SMAD4: variants seen among roughly 807,000 people sequenced by gnomAD.
The protein encoded by SMAD4 is SMAD family member 4.
Under a neutral mutation model 63.2 loss-of-function variants are expected in SMAD4, and 7 were observed. That is an observed-to-expected ratio of 0.11 (90% CI 0.06 to 0.21). The LOEUF (loss-of-function observed/expected upper bound fraction) is 0.21. Among genes scored for constraint, SMAD4 ranks in the 10% least tolerant of loss-of-function variants. SMAD4 has a pLI of 1.00. For synonymous variants in SMAD4, 215 were observed against 235.4 expected, an observed-to-expected ratio of 0.91 and a Z score of 0.79; for missense variants, 312 against 693.8, an observed-to-expected ratio of 0.45 and a Z score of 6.18.
At chr18:51,056,620 C>CAAAA (rs74178610) in intron 5 of SMAD4, among the ~76,000 whole-genome samples, 8 of 59,312 alleles carry the variant, frequency 1.3e-4, no homozygotes, top group Admixed American at 6.9e-4. Flanking sequence ...ACTCCATCTC[C>CAAAA]AAAAAAAAAA....
Position 51,083,052 on chromosome 18 carries a change from G to C in SMAD4, c.*4585G>C, listed in dbSNP as rs192635281. 8 of 224,116 alleles carry C rather than the reference G, an allele frequency of 3.6e-5. No individual in the cohort carries two copies. The highest frequency in any genetic ancestry group is 1.8e-4 in the African/African-American group (8 of 44,078). The allele number at this position is 224,116 out of a possible 1,614,324, so 13.9% of individuals were successfully genotyped here. A position where few individuals can be genotyped will look rare whatever the true frequency, so the allele number is the denominator to read the frequency against. On this transcript the variant is annotated 3_prime_UTR_variant, in exon 12 of 12. Transcript: ENST00000342988. ...TGCTGAGTTTCAGGTAGTTGAGATAGAGAGAAGTGAGTCATATTCATATTT... is the reference window on the plus strand; with the variant it reads ...TGCTGAGTTTCAGGTAGTTGAGATACAGAGAAGTGAGTCATATTCATATTT...
intron 8 of SMAD4, among the ~76,000 whole-genome samples, chr18:51,060,536 C>T (rs1367797051): frequency 6.6e-6 from 1 of 152,140 alleles, no homozygotes; most frequent in Non-Finnish European, 1.5e-5. Flanking sequence ...TAAAAAGATG[C>T]AAATATATTA....
intron 4 of SMAD4, 106 bp from the exon 5 acceptor site, chr18:51,054,675 A>C: frequency 1.4e-6 from 1 of 738,816 alleles, no homozygotes; most frequent in South Asian, 1.6e-5. Context: ...TTAGTAATTT[A>C]CACTGTAATT....
chr18:51,049,476 G>A (rs1401815048), intron 4 of SMAD4, 152 bp downstream of exon 4: 1 of 658,156 alleles, frequency 1.5e-6, no homozygotes. Flanking sequence ...GAGGTTAGGG[G>A]CATTTAAAAC....
At position 51,078,250 on chromosome 18, in the gene SMAD4, T is replaced by C. The variant is rs1085307437; in HGVS notation, c.1448-6T>C. The C allele has an allele frequency of 1.2e-6, 2 of 1,610,402 alleles. No individual in the cohort carries two copies. The highest frequency in any genetic ancestry group is 1.7e-6 in the Non-Finnish European group (2 of 1,177,396). ...CCTCTGATGTCTTCCAAATCTTTTC[T>C]GTTAGGTCTGTCAGCTGCTGCTGGA... On this transcript the variant is annotated splice_region_variant and splice_polypyrimidine_tract_variant and intron_variant, in intron 11 of 11. Coordinates refer to ENST00000342988, the MANE Select transcript of SMAD4 (RefSeq NM_005359.6).
chr18:51,037,636 G>A (rs116421341), intron 1 of SMAD4, among the ~76,000 whole-genome samples: 8 of 152,338 alleles, frequency 5.3e-5, no homozygotes, highest in African/African-American at 1.7e-4. Context: ...TGGGAAGTAT[G>A]CATAAAGCAT....
Position 51,079,145 on chromosome 18 carries a change from A to G in SMAD4, c.*678A>G, listed in dbSNP as rs1003524800. The stretch of plus-strand genomic sequence containing the variant: ...ATATTGAGAATCCCTTAAAATTACC[A>G]GACAAAAAAATTTAAAATTACGTTT... On this transcript the variant is annotated 3_prime_UTR_variant, in exon 12 of 12. Transcript: ENST00000342988. The G allele has an allele frequency of 4.3e-6, 1 of 232,970 alleles. No individual in the cohort carries two copies. Among genetic ancestry groups the G allele is most frequent in the Non-Finnish European group, 8.5e-6 (1 of 117,886 alleles). The allele number at this position is 232,970 out of a possible 1,614,324, so 14.4% of individuals were successfully genotyped here. A position where few individuals can be genotyped will look rare whatever the true frequency, so the allele number is the denominator to read the frequency against.
intron 8 of SMAD4, among the ~76,000 whole-genome samples, chr18:51,064,066 C>T (rs77684585): frequency 4.0e-5 from 6 of 149,348 alleles, no homozygotes; most frequent in African/African-American, 1.2e-4. Flanking sequence ...TTTTTTTTTC[C>T]GTAAGATCTG....
intron 1 of SMAD4, among the ~76,000 whole-genome samples, chr18:51,043,256 G>A (rs1909442428): frequency 6.6e-6 from 1 of 152,106 alleles, no homozygotes; most frequent in Admixed American, 6.5e-5. Context: ...TCCTGTTTTT[G>A]TATCTGTAGT....
intron 10 of SMAD4, among the ~76,000 whole-genome samples, chr18:51,074,562 T>G (rs978941501): frequency 6.6e-6 from 1 of 152,166 alleles, no homozygotes; most frequent in Non-Finnish European, 1.5e-5. Flanking sequence ...ATTGTGCCAC[T>G]GTAGTGGGGA....
intron 1 of SMAD4, among the ~76,000 whole-genome samples, chr18:51,031,404 A>G (rs906045243): frequency 6.6e-6 from 1 of 152,212 alleles, no homozygotes; most frequent in Non-Finnish European, 1.5e-5. Flanking sequence ...AGCCCTGTTG[A>G]AGATTGATAG....
At chr18:51,071,281 T>TACACACAC (rs150437859) in intron 10 of SMAD4, among the ~76,000 whole-genome samples, 3 of 149,670 alleles carry the variant, frequency 2.0e-5, no homozygotes, top group Non-Finnish European at 4.5e-5. Flanking sequence ...CACACACACA[T>TACACACAC]ACACACACAC....
intron 8 of SMAD4, among the ~76,000 whole-genome samples, chr18:51,064,836 A>G (rs1156849350): frequency 6.6e-6 from 1 of 152,218 alleles, no homozygotes; most frequent in Non-Finnish European, 1.5e-5. Flanking sequence ...GTGTACAACA[A>G]CTGTGTGATT....
intron 5 of SMAD4, 129 bp from the exon 6 acceptor site, chr18:51,057,996 G>A: frequency 9.4e-7 from 1 of 1,060,778 alleles, no homozygotes; most frequent in Non-Finnish European, 1.4e-6. Context: ...ATAGGCCATG[G>A]GTGAGTTACA....
chr18:51,062,799 C>G (rs1430142565), intron 8 of SMAD4, among the ~76,000 whole-genome samples: 1 of 148,292 alleles, frequency 6.7e-6, no homozygotes, highest in Non-Finnish European at 1.5e-5. Flanking sequence ...ATGCCTGGCC[C>G]TTTTAAAGTG....
Position 51,078,257 on chromosome 18 carries a change from T to A in SMAD4, c.1449T>A (p.Ser483Arg), listed in dbSNP as rs745598003. 1 of 1,613,896 alleles carries A rather than the reference T, an allele frequency of 6.2e-7. No individual in the cohort carries two copies. The highest frequency in any genetic ancestry group is 8.5e-7 in the Non-Finnish European group (1 of 1,179,750). The change falls in exon 12 of 12, where the codon AGT becomes AGA. Residue 483 changes from serine to arginine, a missense_variant and splice_region_variant. Coordinates refer to ENST00000342988, the MANE Select transcript of SMAD4 (RefSeq NM_005359.6). ...GSVGGIAPAI[S>R]LSAAAGIGVD... The stretch of plus-strand genomic sequence containing the variant: ...TGTCTTCCAAATCTTTTCTGTTAGG[T>A]CTGTCAGCTGCTGCTGGAATTGGTG...
chr18:51,058,016 C>T (rs916937369), intron 5 of SMAD4, 109 bp from the exon 6 acceptor site: 9 of 1,331,780 alleles, frequency 6.8e-6, no homozygotes, highest in Admixed American at 3.6e-5. Context: ...ACTTTTTGCC[C>T]ATCTTTATAG....
At chr18:51,055,480 A>G (rs1353371508) in intron 5 of SMAD4, among the ~76,000 whole-genome samples, 1 of 152,084 alleles carries the variant, frequency 6.6e-6, no homozygotes, top group East Asian at 1.9e-4. Flanking sequence ...AATTAAGTCA[A>G]TTTTGATATA....
chr18:51,049,188 G>T, intron 3 of SMAD4, 107 bp from the exon 4 acceptor site: 2 of 866,286 alleles, frequency 2.3e-6, no homozygotes, highest in South Asian at 2.9e-5. Flanking sequence ...AATGGTTCAT[G>T]AACTTTTGTA....
Sources: gnomAD v4.1 joint callset for allele counts (sites outside exome capture counted in the v4.1 genomes callset) on GRCh38, gnomAD v4.1.1 for gene constraint, MANE v1.5 for transcripts, NCBI Gene and HGNC (gene_info 2026-07-23, HGNC 2026-07-21) for gene names.